Variants in DPP10 observed in about 807,000 individuals in gnomAD.
DPP10 encodes the protein inactive dipeptidyl peptidase 10.
Under a neutral mutation model 120.9 loss-of-function variants are expected in DPP10, and 33 were observed. That is an observed-to-expected ratio of 0.27 (90% CI 0.21 to 0.37). DPP10 has a LOEUF of 0.37. Ranked by LOEUF, DPP10 falls within the 10% of genes least tolerant of loss-of-function variation. DPP10 has a pLI of 1.00. For missense variants in DPP10, 816 were observed against 942.8 expected (o/e 0.87, Z 1.76); for synonymous variants, 337 against 326.1 (o/e 1.03, Z -0.36).
At chr2:114,881,936 A>G in intron 1 of DPP10, among the ~76,000 whole-genome samples, 1 of 152,130 alleles carries the variant, frequency 6.6e-6, no homozygotes, top group South Asian at 2.1e-4. Flanking sequence ...AAATCCAAAC[A>G]TTGACCAGAT....
intron 1 of DPP10, among the ~76,000 whole-genome samples, chr2:114,579,720 T>TATAG (rs1690342668): frequency 6.6e-6 from 1 of 152,188 alleles, no homozygotes; most frequent in Admixed American, 6.5e-5. Flanking sequence ...GGTTTCTTTT[T>TATAG]ATAGCATCAA....
At chr2:114,497,178 T>TAGGTGTACACGTGTATACATGG (rs1682629085) in intron 1 of DPP10, among the ~76,000 whole-genome samples, 1 of 150,134 alleles carries the variant, frequency 6.7e-6, no homozygotes, top group Non-Finnish European at 1.5e-5. Flanking sequence ...TGTATACATG[T>TAGGTGTACACGTGTATACATGG]GTACGTGTAT....
At chr2:114,721,107 A>T (rs13397510) in intron 1 of DPP10, among the ~76,000 whole-genome samples, 436 of 152,362 alleles carry the variant, frequency 2.9e-3, no homozygotes, top group African/African-American at 9.7e-3. Flanking sequence ...GTGCCTAGAT[A>T]AAGAAGTCAC....
In DPP10 at chr2:115,071,075, A is replaced by G. The variant is rs150515976; in HGVS notation, c.61-238164A>G. Among the ~76,000 whole-genome samples, 1,382 of 152,328 alleles carry G rather than the reference A, an allele frequency of 9.1e-3. 12 individuals are homozygous for G. The highest frequency in any genetic ancestry group is 0.02 in the South Asian group (98 of 4,834). ...TCTCTTCATAAATAGAAATTAATGA[A>G]TCAATGTTTATGCAACTGACTGCTT... On this transcript the variant is annotated intron_variant, in intron 1 of 25. Transcript: ENST00000410059.
At chr2:115,038,982 G>A (rs886650995) in intron 1 of DPP10, among the ~76,000 whole-genome samples, 9 of 152,150 alleles carry the variant, frequency 5.9e-5, no homozygotes, top group African/African-American at 2.2e-4. Context: ...TACATATGAG[G>A]CAAACAGGAG....
intron 3 of DPP10, among the ~76,000 whole-genome samples, chr2:115,397,477 A>C (rs1007766165): frequency 6.6e-6 from 1 of 152,224 alleles, no homozygotes; most frequent in Admixed American, 6.5e-5. Context: ...AAGGGACTAG[A>C]GTTATATTCT....
intron 5 of DPP10, among the ~76,000 whole-genome samples, chr2:115,605,033 C>T (rs1396525430): frequency 6.6e-6 from 1 of 152,030 alleles, no homozygotes; most frequent in Non-Finnish European, 1.5e-5. Flanking sequence ...CATGATCTCT[C>T]AACAAAATAC....
intron 1 of DPP10, among the ~76,000 whole-genome samples, chr2:115,250,472 T>C (rs1002435347): frequency 6.6e-6 from 1 of 152,056 alleles, no homozygotes; most frequent in African/African-American, 2.4e-5. Flanking sequence ...AGAGAGAAGA[T>C]TGGAAGAGAA....
intron 1 of DPP10, among the ~76,000 whole-genome samples, chr2:114,879,489 A>C (rs576452834): frequency 6.6e-6 from 1 of 152,316 alleles, no homozygotes; most frequent in South Asian, 2.1e-4. Context: ...AATGAAAATT[A>C]ATATCTTTAA....
chr2:115,810,195 G>A (rs1686480808), intron 19 of DPP10, among the ~76,000 whole-genome samples: 1 of 150,796 alleles, frequency 6.6e-6, no homozygotes, highest in South Asian at 2.1e-4. Context: ...CTGATAATTT[G>A]TGATCTTAAC....
chr2:114,651,663 C>T (rs988543057), intron 1 of DPP10, among the ~76,000 whole-genome samples: 1 of 151,900 alleles, frequency 6.6e-6, no homozygotes, highest in African/African-American at 2.4e-5. Context: ...TTTTTAAAGA[C>T]TGTGCTTGGG....
chr2:114,484,492 C>A (rs528859534), intron 1 of DPP10, among the ~76,000 whole-genome samples: 1 of 152,232 alleles, frequency 6.6e-6, no homozygotes, highest in East Asian at 1.9e-4. Flanking sequence ...TTTGTTTTAT[C>A]TGCCACGAGT....
intron 5 of DPP10, among the ~76,000 whole-genome samples, chr2:115,686,103 G>A (rs986940666): frequency 5.3e-5 from 8 of 151,930 alleles, no homozygotes; most frequent in African/African-American, 1.9e-4. Flanking sequence ...CTCTTTTACT[G>A]TAAACAATTA....
chr2:114,724,801 G>T (rs757713127), intron 1 of DPP10, among the ~76,000 whole-genome samples: 3 of 152,148 alleles, frequency 2.0e-5, no homozygotes, highest in Non-Finnish European at 2.9e-5. Flanking sequence ...GAGTTGTAGT[G>T]ATCTGGGTTA....
At chr2:114,498,500 A>C (rs1336951668) in intron 1 of DPP10, among the ~76,000 whole-genome samples, 1 of 152,170 alleles carries the variant, frequency 6.6e-6, no homozygotes, top group Non-Finnish European at 1.5e-5. Context: ...CAAACTACGT[A>C]ATTTATAGAG....
intron 1 of DPP10, among the ~76,000 whole-genome samples, chr2:114,679,932 G>A (rs1698915067): frequency 6.6e-6 from 1 of 151,982 alleles, no homozygotes; most frequent in African/African-American, 2.4e-5. Context: ...TGTTGACAAA[G>A]TGCAGGATAT....
At chr2:115,798,938 A>C (rs1684849664) in intron 19 of DPP10, among the ~76,000 whole-genome samples, 1 of 152,000 alleles carries the variant, frequency 6.6e-6, no homozygotes, top group Non-Finnish European at 1.5e-5. Context: ...CCACTATCTG[A>C]GTCCATGTCT....
At chr2:114,573,843 T>G (rs895188203) in intron 1 of DPP10, among the ~76,000 whole-genome samples, 1 of 152,218 alleles carries the variant, frequency 6.6e-6, no homozygotes, top group African/African-American at 2.4e-5. Context: ...GTAATTGCTG[T>G]CTTTTCATCA....
chr2:115,602,649 T>C (rs1204374726), intron 5 of DPP10, among the ~76,000 whole-genome samples: 1 of 152,152 alleles, frequency 6.6e-6, no homozygotes, highest in Non-Finnish European at 1.5e-5. Flanking sequence ...CAGACAAATG[T>C]TCTATGTGAG....
Sources: allele counts gnomAD v4.1 joint callset (sites outside exome capture counted in the v4.1 genomes callset), GRCh38; gene constraint gnomAD v4.1.1; transcripts MANE v1.5; gene names NCBI Gene and HGNC (gene_info 2026-07-23, HGNC 2026-07-21).